MYO1B: variants seen among roughly 807,000 people sequenced by gnomAD.
MYO1B encodes the protein myosin IB, also known as unconventional myosin-Ib.
MYO1B carries 72 observed loss-of-function variants against 159.7 expected under a neutral mutation model. The ratio of observed to expected loss-of-function variants is 0.45; its 90% CI spans 0.37 to 0.55. The LOEUF (loss-of-function observed/expected upper bound fraction) is 0.55. Ranked by LOEUF, MYO1B falls within the 20% of genes least tolerant of loss-of-function variation. The pLI is 0.00. For missense variants in MYO1B, 1,062 were observed against 1,364.8 expected (o/e 0.78, Z 3.50); for synonymous variants, 468 against 473.8 (o/e 0.99, Z 0.16).
chr2:191,263,359 A>G lies in MYO1B; in HGVS notation c.-9-13528A>G. On this transcript the variant is annotated intron_variant, in intron 1 of 30. Transcript: ENST00000392318. ...TGAAGGCTAAAGTGCTAGTTAAATC[A>G]GTGGAAAAAGCAATGGAGAAGAAAA... 4 of 984,400 alleles carry G rather than the reference A, an allele frequency of 4.1e-6. No individual in the cohort carries two copies. In the South Asian group the frequency reaches 1.9e-4, roughly 46 times the overall value. 61.0% of individuals were successfully genotyped at this position (984,400 alleles called of 1,614,324 possible).
chr2:191,389,014 T>C (rs1695579545), intron 17 of MYO1B, among the ~76,000 whole-genome samples: 1 of 152,228 alleles, frequency 6.6e-6, no homozygotes, highest in African/African-American at 2.4e-5. Context: ...CCCCCCCATG[T>C]AGATATCCTG....
At position 191,281,641 on chromosome 2, in the gene MYO1B, C is replaced by T. The variant is rs148868196; in HGVS notation, c.135+4611C>T. ...TGTAGGAGATGGCAGAGCTGAGATCCGGCCAGACATGTTCTGTTTTTAGGG... is the reference window on the plus strand; with the variant it reads ...TGTAGGAGATGGCAGAGCTGAGATCTGGCCAGACATGTTCTGTTTTTAGGG... On this transcript the variant is annotated intron_variant, in intron 2 of 30. Transcript: ENST00000392318. 6.1e-3 allele frequency among the ~76,000 whole-genome samples: 927 copies of T among 152,078 alleles called. 12 individuals are homozygous for T. The highest frequency in any genetic ancestry group is 0.021 in the African/African-American group (861 of 41,400).
At chr2:191,309,272 C>G (rs1689846433) in intron 3 of MYO1B, among the ~76,000 whole-genome samples, 1 of 152,042 alleles carries the variant, frequency 6.6e-6, no homozygotes, top group Non-Finnish European at 1.5e-5. Context: ...TTTTCCTTTT[C>G]TCCTATTGCA....
intron 1 of MYO1B, among the ~76,000 whole-genome samples, chr2:191,269,768 A>C (rs1687348573): frequency 6.6e-6 from 1 of 152,194 alleles, no homozygotes; most frequent in African/African-American, 2.4e-5. Flanking sequence ...AAGGGATAGA[A>C]GTGAGCTTAA....
intron 18 of MYO1B, among the ~76,000 whole-genome samples, chr2:191,391,309 AT>A (rs1553561057): frequency 1.3e-5 from 2 of 152,182 alleles, no homozygotes; most frequent in Non-Finnish European, 2.9e-5. Flanking sequence ...TTGCCTACAC[AT>A]TATTCTCACT....
chr2:191,319,084 G>T lies in MYO1B; in HGVS notation c.252-10851G>T, dbSNP rs555015399. Among the ~76,000 whole-genome samples the T allele has an allele frequency of 9.9e-5, 15 of 152,190 alleles. No homozygotes were observed. In the South Asian group the frequency reaches 2.7e-3, roughly 27 times the overall value. On this transcript the variant is annotated intron_variant, in intron 3 of 30. Coordinates refer to ENST00000392318, the MANE Select transcript of MYO1B (RefSeq NM_001130158.3). ...CTGCAGGGAAGAGAGCCTGCAGGCC[G>T]AGTGGTATATGATATTTTTGCTTTA...
chr2:191,360,497 G>T, intron 7 of MYO1B, 134 bp from the exon 8 acceptor site: 1 of 595,568 alleles, frequency 1.7e-6, no homozygotes. Flanking sequence ...AGCTAGAACT[G>T]AAAATACAGC....
chr2:191,414,961 T>C (rs1697471217), intron 29 of MYO1B, among the ~76,000 whole-genome samples: 1 of 152,240 alleles, frequency 6.6e-6, no homozygotes, highest in Non-Finnish European at 1.5e-5. Context: ...GTAAATGTCT[T>C]AATGTTCATC....
intron 2 of MYO1B, among the ~76,000 whole-genome samples, chr2:191,284,481 C>G (rs563375927): frequency 7.2e-5 from 11 of 152,236 alleles, no homozygotes; most frequent in Admixed American, 2.0e-4. Flanking sequence ...AAATGGTCAT[C>G]GTGGTACTTA....
chr2:191,290,472 A>C (rs1688627257), intron 2 of MYO1B, among the ~76,000 whole-genome samples: 1 of 152,220 alleles, frequency 6.6e-6, no homozygotes, highest in Non-Finnish European at 1.5e-5. Context: ...TGCTCATGAA[A>C]ATCATTTAGT....
rs118143123 is a variant in MYO1B, at chr2:191,294,906, A to G, written c.136-1205A>G. ...AAAAAAAAGTCAGCAGAACATTTCT[A>G]CGTTCCTTCATTTTCTATTCTGTTT... On this transcript the variant is annotated intron_variant, in intron 2 of 30. Coordinates refer to ENST00000392318, the MANE Select transcript of MYO1B (RefSeq NM_001130158.3). 9.3e-4 allele frequency among the ~76,000 whole-genome samples: 141 copies of G among 152,190 alleles called. 4 individuals carry two copies. The East Asian group carries it at 0.024, about 26-fold the overall frequency.
chr2:191,301,290 C>T (rs568998759), intron 3 of MYO1B, among the ~76,000 whole-genome samples: 54 of 152,182 alleles, frequency 3.5e-4, no homozygotes, highest in Admixed American at 2.0e-3. Flanking sequence ...TCAGAAAACT[C>T]AGTAACTGGA....
At chr2:191,413,116 A>T (rs1240162093) in intron 27 of MYO1B, among the ~76,000 whole-genome samples, 2 of 152,182 alleles carry the variant, frequency 1.3e-5, no homozygotes, top group Non-Finnish European at 2.9e-5. Flanking sequence ...TTCATTTCCA[A>T]CTTATATTTA....
At chr2:191,413,962 C>T (rs1444172179) in intron 27 of MYO1B, 86 bp from the exon 28 acceptor site, 1 of 1,356,980 alleles carries the variant, frequency 7.4e-7, no homozygotes, top group Non-Finnish European at 1.0e-6. Flanking sequence ...GTCAGCTACT[C>T]CTTAGAATCA....
At chr2:191,292,909 C>T (rs1378284747) in intron 2 of MYO1B, among the ~76,000 whole-genome samples, 2 of 152,210 alleles carry the variant, frequency 1.3e-5, no homozygotes, top group African/African-American at 4.8e-5. Context: ...ATATTTTCTG[C>T]TAGTCTCACC....
chr2:191,303,668 GA>G (rs1689472139), intron 3 of MYO1B, among the ~76,000 whole-genome samples: 1 of 151,338 alleles, frequency 6.6e-6, no homozygotes, highest in Non-Finnish European at 1.5e-5. Flanking sequence ...GGTTAGAAGG[GA>G]AAAAGGGAAG....
chr2:191,377,152 C>G (rs1425194170), intron 13 of MYO1B, among the ~76,000 whole-genome samples: 2 of 152,026 alleles, frequency 1.3e-5, no homozygotes, highest in Non-Finnish European at 2.9e-5. Context: ...GTAAGTGCTC[C>G]CTATCCCAAT....
At chr2:191,385,766 A>G in intron 15 of MYO1B, 118 bp from the exon 16 acceptor site, 3 of 1,085,554 alleles carry the variant, frequency 2.8e-6, no homozygotes, top group Non-Finnish European at 2.7e-6. Flanking sequence ...GCTTTTTGTT[A>G]TAACTGAACA....
At chr2:191,344,755 G>A (rs1466256495) in intron 5 of MYO1B, among the ~76,000 whole-genome samples, 3 of 147,722 alleles carry the variant, frequency 2.0e-5, no homozygotes, top group South Asian at 2.2e-4. Flanking sequence ...GCGTGAACCC[G>A]GGAGGCGGAG....
Sources: allele counts gnomAD v4.1 joint callset (sites outside exome capture counted in the v4.1 genomes callset), GRCh38; gene constraint gnomAD v4.1.1; transcripts MANE v1.5; gene names NCBI Gene and HGNC (gene_info 2026-07-23, HGNC 2026-07-21).